Variants in OR51B5 observed in about 807,000 individuals in gnomAD.
OR51B5 encodes the protein olfactory receptor family 51 subfamily B member 5, also known as olfactory receptor 51B5.
For missense variants in OR51B5, 456 were observed against 374.6 expected (o/e 1.22, Z -1.79); for synonymous variants, 186 against 144.8 (o/e 1.28, Z -2.04).
At chr11:5,447,333 G>A (rs777307294) in intron 1 of OR51B5, among the ~76,000 whole-genome samples, 1 of 152,146 alleles carries the variant, frequency 6.6e-6, no homozygotes, top group Non-Finnish European at 1.5e-5. Context: ...CTCAGACAGA[G>A]TCTCTAGTGT....
chr11:5,342,410 C>CTACATTTAGCTAAAGAGTTGGGCT (rs1848909503), downstream of OR51B5: 1 of 316,352 alleles, frequency 3.2e-6, no homozygotes, highest in Non-Finnish European at 4.6e-6. Context: ...TTTGTACAAA[C>CTACATTTAGCTAAAGAGTTGGGCT]TACATTTAGC....
chr11:5,405,623 C>T (rs1356929555), intron 1 of OR51B5, among the ~76,000 whole-genome samples: 1 of 152,070 alleles, frequency 6.6e-6, no homozygotes, highest in Non-Finnish European at 1.5e-5. Flanking sequence ...TATAATGCTT[C>T]TTATACAAAT....
chr11:5,447,003 T>C (rs770513199), intron 1 of OR51B5, among the ~76,000 whole-genome samples: 40 of 152,048 alleles, frequency 2.6e-4, no homozygotes, highest in Non-Finnish European at 5.3e-4. Flanking sequence ...GAATCTCTAC[T>C]CCCTAGAACT....
At chr11:5,374,695 T>G (rs2471984) in intron 1 of OR51B5, among the ~76,000 whole-genome samples, 30,111 of 152,064 alleles carry the variant, frequency 0.2, 3,200 homozygotes, top group Middle Eastern at 0.36. Context: ...TGGAGAAGCC[T>G]CAGGAGCTGA....
chr11:5,416,304 A>G (rs2133755280), intron 1 of OR51B5, among the ~76,000 whole-genome samples: 1 of 148,870 alleles, frequency 6.7e-6, no homozygotes, highest in East Asian at 2.0e-4. Flanking sequence ...TCTATGACAA[A>G]CCCACAGCCA....
At chr11:5,433,519 T>G (rs1850559316) in intron 1 of OR51B5, among the ~76,000 whole-genome samples, 1 of 152,208 alleles carries the variant, frequency 6.6e-6, no homozygotes, top group Admixed American at 6.5e-5. Flanking sequence ...GATGTGAAAT[T>G]GTTCATACAT....
At chr11:5,342,430 G>A (rs757810034), downstream of OR51B5, 18 of 436,994 alleles carry the variant, frequency 4.1e-5, no homozygotes, top group Admixed American at 6.4e-5. Context: ...CTAAAGAGTT[G>A]GGCTTAAAGA....
At chr11:5,382,634 C>T (rs961521464) in intron 1 of OR51B5, among the ~76,000 whole-genome samples, 1 of 152,178 alleles carries the variant, frequency 6.6e-6, no homozygotes, top group Non-Finnish European at 1.5e-5. Flanking sequence ...CCCTCTCCTA[C>T]AAGCCTAAAT....
chr11:5,379,873 G>A (rs1382998448), intron 1 of OR51B5, among the ~76,000 whole-genome samples: 1 of 151,962 alleles, frequency 6.6e-6, no homozygotes, highest in Non-Finnish European at 1.5e-5. Flanking sequence ...CTCCTTGCAT[G>A]CACTTGCTCT....
At chr11:5,365,940 G>T (rs1330125126) in intron 1 of OR51B5, among the ~76,000 whole-genome samples, 1 of 152,112 alleles carries the variant, frequency 6.6e-6, no homozygotes, top group South Asian at 2.1e-4. Context: ...AAGGGGGCAG[G>T]CTCAGCATGA....
chr11:5,504,668 T>C (rs922719904), intron 1 of OR51B5, among the ~76,000 whole-genome samples: 4 of 152,224 alleles, frequency 2.6e-5, no homozygotes, highest in Admixed American at 6.5e-5. Context: ...TTGATTTGTA[T>C]CTATCCAGTG....
chr11:5,463,927 G>A (rs932135358), intron 1 of OR51B5, among the ~76,000 whole-genome samples: 1 of 152,326 alleles, frequency 6.6e-6, no homozygotes, highest in East Asian at 1.9e-4. Context: ...TGAGGGCAGT[G>A]TGTTACTGGT....
chr11:5,453,696 G>A (rs749199557), intron 1 of OR51B5: 1 of 1,613,670 alleles, frequency 6.2e-7, no homozygotes, highest in Non-Finnish European at 8.5e-7. Flanking sequence ...GTCCTTCAGT[G>A]ATGTGGCCAT....
At chr11:5,358,612 T>A (rs192286351) in intron 1 of OR51B5, among the ~76,000 whole-genome samples, 57,443 of 151,524 alleles carry the variant, frequency 0.38, 11,119 homozygotes, top group Non-Finnish European at 0.41. Flanking sequence ...GAATCAATAG[T>A]AAAAGAGGGA....
At chr11:5,422,166 T>C (rs1020837159) in intron 1 of OR51B5, 1 of 1,452,762 alleles carries the variant, frequency 6.9e-7, no homozygotes, top group Non-Finnish European at 9.4e-7. Flanking sequence ...TCTCCCTGAG[T>C]GAAGATCCTG....
chr11:5,388,813 A>G (rs921426570), intron 1 of OR51B5, among the ~76,000 whole-genome samples: 5 of 152,102 alleles, frequency 3.3e-5, no homozygotes, highest in African/African-American at 9.7e-5. Context: ...AATAGCATCA[A>G]TGAAGGTGAC....
At chr11:5,392,159 G>A (rs971479298) in intron 1 of OR51B5, 2 of 152,212 alleles carry the variant, frequency 1.3e-5, no homozygotes, top group South Asian at 2.1e-4. Context: ...TCTTGTGTAT[G>A]TTTGTGTGGT....
chr11:5,457,957 CTTTAG>C (rs937527035), intron 1 of OR51B5, among the ~76,000 whole-genome samples: 3 of 152,070 alleles, frequency 2.0e-5, no homozygotes. Flanking sequence ...TGCCAAAGGT[CTTTAG>C]TTTAATGAGT....
intron 1 of OR51B5, among the ~76,000 whole-genome samples, chr11:5,459,954 T>A (rs931935302): frequency 6.6e-6 from 1 of 152,110 alleles, no homozygotes; most frequent in Non-Finnish European, 1.5e-5. Context: ...CTATTCCCAA[T>A]AGCAAAGACA....
Sources: gnomAD v4.1 joint callset for allele counts (sites outside exome capture counted in the v4.1 genomes callset) on GRCh38, gnomAD v4.1.1 for gene constraint, MANE v1.5 for transcripts, NCBI Gene and HGNC (gene_info 2026-07-23, HGNC 2026-07-21) for gene names.